Variants in GRM8 observed in about 807,000 individuals in gnomAD.
GRM8 encodes metabotropic glutamate receptor 8.
A neutral mutation model predicts 87.2 loss-of-function variants in GRM8; 47 were observed. The ratio of observed to expected loss-of-function variants is 0.54; its 90% CI spans 0.43 to 0.69. The LOEUF (loss-of-function observed/expected upper bound fraction) is 0.69. Among genes scored for constraint, GRM8 ranks in the 30% least tolerant of loss-of-function variants. GRM8 has a pLI of 0.00. For synonymous variants in GRM8, 396 were observed against 404.5 expected (o/e 0.98, Z 0.25); for missense variants, 1,019 against 1,139.2 (o/e 0.89, Z 1.52).
At chr7:126,579,009 T>A (rs1223382288) in intron 8 of GRM8, among the ~76,000 whole-genome samples, 1 of 150,896 alleles carries the variant, frequency 6.6e-6, no homozygotes, top group Non-Finnish European at 1.5e-5. Context: ...GTACCAGACT[T>A]TTTCATGGCC....
Position 126,446,382 on chromosome 7 carries a change from G to GAA in GRM8, c.2431-12_2431-11dup, listed in dbSNP as rs56884588. The GAA allele has an allele frequency of 1.9e-4, 266 of 1,413,936 alleles. No homozygotes were observed. Among genetic ancestry groups the GAA allele is most frequent in the African/African-American group, 8.2e-4 (56 of 68,058 alleles). The allele number at this position is 1,413,936 out of a possible 1,614,324, so 87.6% of individuals were successfully genotyped here. The stretch of plus-strand genomic sequence containing the variant: ...TTGTCTGGATGTACATCTGAGGGAA[G>GAA]AAAAAAAAAAGAATCACTGTTGGTA... On this transcript the variant is annotated splice_polypyrimidine_tract_variant and intron_variant, in intron 9 of 10. Coordinates refer to ENST00000339582, the MANE Select transcript of GRM8 (RefSeq NM_000845.3).
chr7:126,750,002 G>T (rs146212262), intron 7 of GRM8, among the ~76,000 whole-genome samples: 143 of 152,208 alleles, frequency 9.4e-4, no homozygotes, highest in Middle Eastern at 3.4e-3. Context: ...TTAGCCAAGA[G>T]AAACAAAAGC....
At chr7:127,221,738 A>G (rs1481265866) in intron 2 of GRM8, among the ~76,000 whole-genome samples, 2 of 152,194 alleles carry the variant, frequency 1.3e-5, no homozygotes, top group Non-Finnish European at 2.9e-5. Context: ...CCAAGCAAGT[A>G]TACTGGTCCA....
At chr7:127,006,242 T>G (rs17869242) in intron 3 of GRM8, among the ~76,000 whole-genome samples, 2,453 of 152,038 alleles carry the variant, frequency 0.016, 55 homozygotes, top group African/African-American at 0.055. Context: ...CGCACTGAAT[T>G]CCAGCACCAA....
intron 3 of GRM8, among the ~76,000 whole-genome samples, chr7:126,955,083 G>T (rs1808537970): frequency 6.6e-6 from 1 of 152,102 alleles, no homozygotes; most frequent in South Asian, 2.1e-4. Context: ...AAAGGCAAAA[G>T]AATAAGAGTG....
At chr7:126,945,478 C>T (rs1010414100) in intron 3 of GRM8, among the ~76,000 whole-genome samples, 2 of 152,044 alleles carry the variant, frequency 1.3e-5, no homozygotes, top group Non-Finnish European at 2.9e-5. Flanking sequence ...TAGAAAATTC[C>T]ACACCTGACA....
intron 3 of GRM8, among the ~76,000 whole-genome samples, chr7:127,033,196 A>C (rs1459010564): frequency 1.3e-5 from 2 of 151,948 alleles, no homozygotes; most frequent in Non-Finnish European, 2.9e-5. Flanking sequence ...AATTCTTTTG[A>C]TCTATAGACC....
At chr7:126,581,751 T>A (rs184263633) in intron 8 of GRM8, among the ~76,000 whole-genome samples, 13 of 152,272 alleles carry the variant, frequency 8.5e-5, no homozygotes, top group Admixed American at 7.9e-4. Context: ...TTTTGGTAAT[T>A]CTTATATTTC....
At chr7:127,006,760 C>T (rs1204235843) in intron 3 of GRM8, among the ~76,000 whole-genome samples, 2 of 151,940 alleles carry the variant, frequency 1.3e-5, no homozygotes, top group African/African-American at 4.8e-5. Context: ...AGTCCTTGAA[C>T]GTCTTCTCTT....
chr7:126,646,261 A>AGG (rs1243064046), intron 7 of GRM8, among the ~76,000 whole-genome samples: 2 of 141,588 alleles, frequency 1.4e-5, no homozygotes, highest in African/African-American at 5.4e-5. Flanking sequence ...GAAGGAGGGA[A>AGG]AGAAGGAAGG....
chr7:126,737,425 C>T (rs1229008023), intron 7 of GRM8, among the ~76,000 whole-genome samples: 4 of 152,050 alleles, frequency 2.6e-5, no homozygotes, highest in Admixed American at 6.6e-5. Flanking sequence ...CTCTGATCCC[C>T]GAATGCTCAG....
At chr7:127,080,630 T>C (rs1822755068) in intron 3 of GRM8, 1 of 145,556 alleles carries the variant, frequency 6.9e-6, no homozygotes, top group Admixed American at 6.7e-5. Flanking sequence ...TGGAAGTCTC[T>C]GGAGGCTTTT....
At chr7:126,835,624 G>T (rs1245435946) in intron 6 of GRM8, among the ~76,000 whole-genome samples, 2 of 152,136 alleles carry the variant, frequency 1.3e-5, no homozygotes, top group Admixed American at 1.3e-4. Flanking sequence ...TTTCTTTAAA[G>T]CCATAAGGTT....
At chr7:127,078,585 AC>A (rs1170115400) in intron 3 of GRM8, among the ~76,000 whole-genome samples, 1 of 152,216 alleles carries the variant, frequency 6.6e-6, no homozygotes, top group African/African-American at 2.4e-5. Context: ...AAAAGACCAC[AC>A]TTAGTGTGAA....
chr7:126,868,896 A>G (rs1225031346), intron 6 of GRM8: 1 of 152,202 alleles, frequency 6.6e-6, no homozygotes, highest in Non-Finnish European at 1.5e-5. Flanking sequence ...AAATAAGACA[A>G]CAAAGTTTGC....
chr7:126,991,783 T>G lies in GRM8; in HGVS notation c.728-87100A>C, dbSNP rs186341091. Among the ~76,000 whole-genome samples, 309 of 152,282 alleles carry G rather than the reference T, an allele frequency of 2.0e-3. 2 individuals carry two copies. Among genetic ancestry groups the G allele is most frequent in the Non-Finnish European group, 3.7e-3 (255 of 68,018 alleles). On this transcript the variant is annotated intron_variant, in intron 3 of 10. Coordinates refer to ENST00000339582, the MANE Select transcript of GRM8 (RefSeq NM_000845.3). The stretch of plus-strand genomic sequence containing the variant: ...TAGAGGGAAAGTGTATGGTCTATAT[T>G]TTTATATGCTGATACTCAGTGTAGC...
At chr7:126,850,239 G>C (rs1797090253) in intron 6 of GRM8, among the ~76,000 whole-genome samples, 1 of 152,100 alleles carries the variant, frequency 6.6e-6, no homozygotes, top group Admixed American at 6.6e-5. Context: ...ATCTACACTT[G>C]GCTTCCAGAA....
intron 6 of GRM8, among the ~76,000 whole-genome samples, chr7:126,792,831 A>G (rs1272486798): frequency 6.6e-6 from 1 of 152,212 alleles, no homozygotes; most frequent in Non-Finnish European, 1.5e-5. Context: ...GCAAACCATC[A>G]GTATGGTGAC....
chr7:127,053,605 T>C (rs1819687534), intron 3 of GRM8, among the ~76,000 whole-genome samples: 1 of 152,162 alleles, frequency 6.6e-6, no homozygotes, highest in South Asian at 2.1e-4. Flanking sequence ...CTGACCAACA[T>C]GGAGAAACCC....
Sources: allele counts gnomAD v4.1 joint callset (sites outside exome capture counted in the v4.1 genomes callset), GRCh38; gene constraint gnomAD v4.1.1; transcripts MANE v1.5; gene names NCBI Gene and HGNC (gene_info 2026-07-23, HGNC 2026-07-21).